The following ITPR1 variants were observed in gnomAD, a reference collection of about 807,000 sequenced individuals.
The protein encoded by ITPR1 is inositol 1,4,5-trisphosphate receptor type 1.
A neutral mutation model predicts 318.4 loss-of-function variants in ITPR1; 96 were observed. The ratio of observed to expected loss-of-function variants is 0.30; its 90% CI spans 0.26 to 0.36. ITPR1 has a LOEUF of 0.36. Among genes scored for constraint, ITPR1 ranks in the 10% least tolerant of loss-of-function variants. The probability of loss-of-function intolerance (pLI) is 1.00; values close to 1 mark genes in which losing one functional copy is unlikely to be tolerated. For synonymous variants in ITPR1, 1,312 were observed against 1,289.9 expected, an observed-to-expected ratio of 1.02 and a Z score of -0.37; for missense variants, 2,440 against 3,460.2, an observed-to-expected ratio of 0.71 and a Z score of 7.40.
intron 4 of ITPR1, among the ~76,000 whole-genome samples, chr3:4,573,201 G>A (rs898159542): frequency 2.6e-5 from 4 of 151,900 alleles, no homozygotes; most frequent in Admixed American, 1.3e-4. Flanking sequence ...TTATAATCTC[G>A]CCAACAGTGT....
chr3:4,532,958 A>G (rs2083541086), intron 4 of ITPR1, among the ~76,000 whole-genome samples: 1 of 152,242 alleles, frequency 6.6e-6, no homozygotes, highest in African/African-American at 2.4e-5. Flanking sequence ...GGGATTTTGC[A>G]GAGGGAATTT....
rs560226395 is a variant in ITPR1, at chr3:4,517,851, C to CT, written c.92+1272dup. 3.1e-3 allele frequency among the ~76,000 whole-genome samples: 469 copies of CT among 152,320 alleles called. 1 individual carries two copies. Among genetic ancestry groups the CT allele is most frequent in the South Asian group, 0.013 (61 of 4,828 alleles). ...TGGTTGACTCTTTTACCCTCTTCTT[C>CT]TTTTCAGTAATGACAGCAACAGTAA... On this transcript the variant is annotated intron_variant, in intron 3 of 61. Transcript: ENST00000649015.
chr3:4,540,446 T>C (rs1245059874), intron 4 of ITPR1, among the ~76,000 whole-genome samples: 2 of 152,250 alleles, frequency 1.3e-5, no homozygotes, highest in East Asian at 3.8e-4. Flanking sequence ...TTGTCTATTA[T>C]CTATTAATTG....
intron 34 of ITPR1, among the ~76,000 whole-genome samples, chr3:4,698,155 A>G (rs543948358): frequency 1.1e-4 from 16 of 152,350 alleles, no homozygotes; most frequent in African/African-American, 3.8e-4. Context: ...GGAATTTGGC[A>G]AGCAGATAGA....
chr3:4,697,788 G>A (rs932241164), intron 34 of ITPR1, among the ~76,000 whole-genome samples: 2 of 152,102 alleles, frequency 1.3e-5, no homozygotes, highest in African/African-American at 4.8e-5. Context: ...GAGAATGGAT[G>A]TTATTTATCA....
chr3:4,520,784 T>G (rs1033642205), intron 3 of ITPR1, among the ~76,000 whole-genome samples: 4 of 152,296 alleles, frequency 2.6e-5, no homozygotes, highest in Admixed American at 6.5e-5. Context: ...TGGACATGGT[T>G]ATGGGAAAGG....
chr3:4,685,269 A>G (rs1158599706), intron 30 of ITPR1, 63 bp downstream of exon 30: 3 of 1,473,446 alleles, frequency 2.0e-6, no homozygotes, highest in Non-Finnish European at 2.7e-6. Context: ...GGTTTCCCCA[A>G]ACTCTTCACA....
intron 46 of ITPR1, among the ~76,000 whole-genome samples, chr3:4,769,393 A>G (rs1410470509): frequency 1.3e-5 from 2 of 152,222 alleles, no homozygotes; most frequent in Non-Finnish European, 2.9e-5. Flanking sequence ...ACATCTAGGC[A>G]CTCAGGTAAA....
intron 52 of ITPR1, among the ~76,000 whole-genome samples, chr3:4,789,841 A>G (rs934797017): frequency 6.6e-6 from 1 of 152,122 alleles, no homozygotes; most frequent in African/African-American, 2.4e-5. Context: ...GAGGGTCTCA[A>G]ACTCCTGACC....
At chr3:4,504,345 G>A (rs1028681757) in intron 2 of ITPR1, among the ~76,000 whole-genome samples, 4 of 152,140 alleles carry the variant, frequency 2.6e-5, no homozygotes, top group African/African-American at 9.7e-5. Flanking sequence ...TTATACTAGA[G>A]AATCACTCCT....
chr3:4,814,950 T>C lies in ITPR1; in HGVS notation c.7702-103T>C, dbSNP rs921484374. 2.6e-5 allele frequency: 25 copies of C among 974,752 alleles called. No homozygotes were observed. In the African/African-American group the frequency reaches 3.4e-4, roughly 13 times the overall value. 60.4% of individuals were successfully genotyped at this position (974,752 alleles called of 1,614,324 possible). On this transcript the variant is annotated intron_variant, in intron 58 of 61. Transcript: ENST00000649015. ...TTTAAAAGTTGAATGCCCAATTTAA[T>C]TTCTACCCAAGTAGATGAGGTCTCA...
At chr3:4,723,298 A>T (rs2042292679) in intron 40 of ITPR1, among the ~76,000 whole-genome samples, 1 of 152,244 alleles carries the variant, frequency 6.6e-6, no homozygotes, top group South Asian at 2.1e-4. Context: ...CAGGATGCTC[A>T]TGCAGTGCTC....
intron 4 of ITPR1, among the ~76,000 whole-genome samples, chr3:4,540,937 T>C (rs2084385085): frequency 1.3e-5 from 2 of 149,838 alleles, no homozygotes; most frequent in South Asian, 4.2e-4. Flanking sequence ...CCTCTACTGA[T>C]TTGGAGGATA....
intron 4 of ITPR1, among the ~76,000 whole-genome samples, chr3:4,597,240 A>G (rs2090902606): frequency 6.6e-6 from 1 of 152,222 alleles, no homozygotes; most frequent in Admixed American, 6.5e-5. Context: ...TGTTTAAAAC[A>G]TTGTGTAGGC....
chr3:4,562,615 T>C (rs1215063047), intron 4 of ITPR1, among the ~76,000 whole-genome samples: 1 of 152,066 alleles, frequency 6.6e-6, no homozygotes, highest in Non-Finnish European at 1.5e-5. Flanking sequence ...ACCCTGTATG[T>C]TGAGATTTTC....
intron 4 of ITPR1, among the ~76,000 whole-genome samples, chr3:4,561,763 C>T (rs550892598): frequency 6.6e-5 from 10 of 151,658 alleles, no homozygotes; most frequent in East Asian, 1.9e-4. Context: ...TTTAATTTAA[C>T]GTGGGTTAAA....
At chr3:4,657,279 T>C (rs895095329) in intron 12 of ITPR1, among the ~76,000 whole-genome samples, 4 of 152,056 alleles carry the variant, frequency 2.6e-5, no homozygotes, top group Non-Finnish European at 5.9e-5. Flanking sequence ...ATATTGTGAG[T>C]AGACAATTAT....
chr3:4,509,507 A>G (rs1226186930), intron 2 of ITPR1, among the ~76,000 whole-genome samples: 1 of 152,222 alleles, frequency 6.6e-6, no homozygotes, highest in African/African-American at 2.4e-5. Flanking sequence ...CATCTAAAAA[A>G]CAAACCAGGT....
At chr3:4,781,090 T>G (rs549828877) in intron 49 of ITPR1, among the ~76,000 whole-genome samples, 1 of 152,332 alleles carries the variant, frequency 6.6e-6, no homozygotes, top group African/African-American at 2.4e-5. Flanking sequence ...TGTAACATGT[T>G]GTCTGCTCGA....
Sources: gnomAD v4.1 joint callset for allele counts (sites outside exome capture counted in the v4.1 genomes callset) on GRCh38, gnomAD v4.1.1 for gene constraint, MANE v1.5 for transcripts, NCBI Gene and HGNC (gene_info 2026-07-23, HGNC 2026-07-21) for gene names.